Variants in FLNB observed in about 807,000 individuals in gnomAD.
The protein encoded by FLNB is filamin-B.
A neutral mutation model predicts 250.6 loss-of-function variants in FLNB; 111 were observed. The observed-to-expected ratio is 0.44, with a 90% CI of 0.38 to 0.52. The LOEUF is 0.52. Ranked by LOEUF, FLNB falls within the 20% of genes least tolerant of loss-of-function variation. The pLI, the probability that FLNB is intolerant of heterozygous loss-of-function variation, is 0.00. For missense variants in FLNB, 2,869 were observed against 3,447.8 expected (o/e 0.83, Z 4.20); for synonymous variants, 1,302 against 1,372.1 (o/e 0.95, Z 1.13).
chr3:58,043,766 A>G (rs1169414043), intron 1 of FLNB, among the ~76,000 whole-genome samples: 1 of 151,992 alleles, frequency 6.6e-6, no homozygotes, highest in Non-Finnish European at 1.5e-5. Context: ...TTGCTATTAG[A>G]CTCCTTGAAT....
chr3:58,129,628 G>A (rs1031832095), intron 24 of FLNB, among the ~76,000 whole-genome samples: 8 of 152,224 alleles, frequency 5.3e-5, no homozygotes, highest in African/African-American at 1.2e-4. Context: ...GCTGTTGTTA[G>A]AAAGCCAGGG....
intron 23 of FLNB, 135 bp from the exon 24 acceptor site, chr3:58,126,467 A>G (rs2097298051): frequency 2.7e-6 from 2 of 742,252 alleles, no homozygotes; most frequent in Admixed American, 2.1e-5. Flanking sequence ...GAAATTCCCT[A>G]TGTGAGAGGT....
chr3:58,049,637 G>T (rs1178176597), intron 1 of FLNB, among the ~76,000 whole-genome samples: 1 of 152,206 alleles, frequency 6.6e-6, no homozygotes, highest in South Asian at 2.1e-4. Context: ...TCTTGCCTGT[G>T]TGCAGCCCCC....
chr3:58,032,256 T>C (rs2097132100), intron 1 of FLNB, among the ~76,000 whole-genome samples: 1 of 152,150 alleles, frequency 6.6e-6, no homozygotes, highest in Admixed American at 6.6e-5. Flanking sequence ...TAAAGACAAG[T>C]TTGGGCCCAG....
At chr3:58,097,386 A>G (rs1021310798) in intron 6 of FLNB, among the ~76,000 whole-genome samples, 7 of 152,178 alleles carry the variant, frequency 4.6e-5, no homozygotes, top group African/African-American at 1.7e-4. Flanking sequence ...AAATCATTCT[A>G]CTTTGTCCCA....
At chr3:58,071,174 G>A (rs1439812714) in intron 1 of FLNB, among the ~76,000 whole-genome samples, 4 of 151,116 alleles carry the variant, frequency 2.6e-5, no homozygotes, top group Admixed American at 6.6e-5. Flanking sequence ...CTCTGGTCTT[G>A]AACTCCTGGG....
intron 43 of FLNB, 167 bp downstream of exon 43, chr3:58,163,497 C>T (rs371702284): frequency 6.1e-6 from 4 of 654,806 alleles, no homozygotes; most frequent in East Asian, 2.7e-5. Context: ...TTGGGAGTTG[C>T]GGTTTGACCC....
At position 58,130,886 on chromosome 3, in the gene FLNB, A is replaced by C; in HGVS notation, c.4368A>C (p.Glu1456Asp). The C allele has an allele frequency of 6.2e-7, 1 of 1,612,386 alleles. No homozygotes were observed. The highest frequency in any genetic ancestry group is 1.1e-5 in the South Asian group (1 of 90,694). The change falls in exon 25 of 46, where the codon GAA becomes GAC. Residue 1456 changes from glutamate to aspartate, a missense_variant. Around this residue, in one of 5 missense-constraint regions of FLNB, gnomAD observed 1,348 missense variants for 1,466.7 expected, o/e 0.92. Transcript: ENST00000295956. ...DSSKAGLAPLEVRVLGPRGLV... is the reference protein window; with the variant it reads ...DSSKAGLAPLDVRVLGPRGLV... The stretch of plus-strand genomic sequence containing the variant: ...GCAAGGCTGGCCTGGCTCCGCTGGA[A>C]GTGAGGGTTCTGGGCCCACGAGGTA...
At chr3:58,014,463 G>C (rs2097103087) in intron 1 of FLNB, among the ~76,000 whole-genome samples, 1 of 152,242 alleles carries the variant, frequency 6.6e-6, no homozygotes, top group South Asian at 2.1e-4. Flanking sequence ...CCTCTGTGGA[G>C]TTCTCCCAGC....
chr3:58,024,728 T>TTTTTTTTTTTTTTTTTTG (rs2097120637), intron 1 of FLNB, among the ~76,000 whole-genome samples: 1 of 96,064 alleles, frequency 1.0e-5, no homozygotes. Flanking sequence ...TTTTTTTTTT[T>TTTTTTTTTTTTTTTTTTG]AACCTTGAGA....
intron 1 of FLNB, among the ~76,000 whole-genome samples, chr3:58,056,106 T>TA (rs2097170099): frequency 1.7e-5 from 2 of 116,352 alleles, no homozygotes; most frequent in African/African-American, 9.6e-5. Context: ...TATTTATTTA[T>TA]TTTTTTTTTT....
At chr3:58,098,264 C>G (rs1473797797) in intron 7 of FLNB, among the ~76,000 whole-genome samples, 2 of 152,196 alleles carry the variant, frequency 1.3e-5, no homozygotes, top group South Asian at 4.1e-4. Context: ...AACCCTTCAA[C>G]CCCTAGAAAA....
chr3:58,067,604 G>GT (rs11303606), intron 1 of FLNB, among the ~76,000 whole-genome samples: 43 of 137,140 alleles, frequency 3.1e-4, no homozygotes, highest in South Asian at 1.4e-3. Flanking sequence ...TTTTTTTTTT[G>GT]TTTTTTTTTT....
intron 8 of FLNB, 23 bp from the exon 9 acceptor site, chr3:58,102,180 T>G: frequency 6.2e-7 from 1 of 1,614,080 alleles, no homozygotes. Flanking sequence ...AAGATTGAAT[T>G]GATGTCAAAA....
At chr3:58,163,800 G>T in intron 43 of FLNB, 1 of 164,580 alleles carries the variant, frequency 6.1e-6, no homozygotes, top group South Asian at 1.7e-4. Context: ...TTTACTCTCA[G>T]ATCTTAATGG....
chr3:58,138,550 C>T (rs200389484), intron 29 of FLNB, 21 bp downstream of exon 29: 16 of 1,613,872 alleles, frequency 9.9e-6, no homozygotes, highest in Admixed American at 8.3e-5. Flanking sequence ...TTCCTTCTCC[C>T]GAGCATGCTG....
In FLNB at chr3:58,143,532, G is replaced by T; in HGVS notation, c.5344G>T (p.Gly1782Cys). 6.2e-7 allele frequency: 1 copy of T among 1,614,126 alleles called. No individual in the cohort carries two copies. The highest frequency in any genetic ancestry group is 8.5e-7 in the Non-Finnish European group (1 of 1,179,982). The change falls in exon 32 of 46, where the codon GGC becomes TGC. Residue 1782 changes from glycine (G) to cysteine (C), a missense_variant. By Grantham distance (159) the Gly-to-Cys change is radical (BLOSUM62 -3). Coordinates refer to ENST00000295956, the MANE Select transcript of FLNB (RefSeq NM_001457.4). The part of the protein sequence containing the change: ...ATPEIVDNKD[G>C]TVTVRYAPTE... ...ACCTGAGATTGTGGACAACAAGGAC[G>T]GCACGGTCACTGTTAGATATGCCCC...
chr3:58,108,428 A>G (rs1218958225), intron 12 of FLNB, 30 bp from the exon 13 acceptor site: 1 of 1,442,424 alleles, frequency 6.9e-7, no homozygotes, highest in Admixed American at 1.7e-5. Flanking sequence ...CATTACACAG[A>G]AAGAGACTTA....
rs773866832 is a variant in FLNB, at chr3:58,102,324, A to C, written c.1467A>C (p.Val489=). 1.9e-6 allele frequency: 3 copies of C among 1,612,958 alleles called. No individual in the cohort carries two copies. Among genetic ancestry groups the C allele is most frequent in the Non-Finnish European group, 2.5e-6 (3 of 1,179,662 alleles). ...TKAAGSGELG[V]TMKGPKGLEE... ...CTGCAGGAAGTGGGGAGCTCGGTGT[A>C]ACCATGAAGGGTCCTAGTAAGTGTT... The change falls in exon 9 of 46, where the codon GTA becomes GTC. Residue 489 remains valine, a synonymous_variant. Transcript: ENST00000295956.
Sources: gnomAD v4.1 joint callset for allele counts (sites outside exome capture counted in the v4.1 genomes callset) on GRCh38, gnomAD v4.1.1 for gene constraint, gnomAD v4.1.1 regional missense constraint, MANE v1.5 for transcripts, NCBI Gene and HGNC (gene_info 2026-07-23, HGNC 2026-07-21) for gene names.